The following GRIA4 variants were observed in gnomAD, a reference collection of about 807,000 sequenced individuals.
The protein encoded by GRIA4 is glutamate receptor 4.
In GRIA4, 34 loss-of-function variants were observed where a neutral mutation model predicts 104.0. That is an observed-to-expected ratio of 0.33 (90% CI 0.25 to 0.44). GRIA4 has a LOEUF of 0.44. Among genes scored for constraint, GRIA4 ranks in the 20% least tolerant of loss-of-function variants. The probability of loss-of-function intolerance (pLI) is 1.00; values close to 1 mark genes in which losing one functional copy is unlikely to be tolerated. For synonymous variants in GRIA4, 386 were observed against 381.9 expected, an observed-to-expected ratio of 1.01 and a Z score of -0.13; for missense variants, 750 against 1,096.5, an observed-to-expected ratio of 0.68 and a Z score of 4.46.
intron 5 of GRIA4, among the ~76,000 whole-genome samples, chr11:105,879,249 A>G (rs528850581): frequency 1.3e-5 from 2 of 152,088 alleles, no homozygotes; most frequent in Non-Finnish European, 2.9e-5. Context: ...CAGTGAGATG[A>G]GCCAGGTATC....
At chr11:105,759,438 G>A (rs553033504) in intron 4 of GRIA4, among the ~76,000 whole-genome samples, 3 of 152,128 alleles carry the variant, frequency 2.0e-5, no homozygotes, top group Admixed American at 1.3e-4. Flanking sequence ...TGTGGGTTCT[G>A]TCCTCAGCTA....
intron 14 of GRIA4, among the ~76,000 whole-genome samples, chr11:105,940,136 G>A (rs188947848): frequency 1.4e-4 from 21 of 152,148 alleles, no homozygotes; most frequent in Admixed American, 5.2e-4. Context: ...AGGCTGAGGC[G>A]GGCAGATCAG....
intron 4 of GRIA4, among the ~76,000 whole-genome samples, chr11:105,789,543 G>T (rs902215472): frequency 3.3e-5 from 5 of 152,080 alleles, no homozygotes; most frequent in African/African-American, 1.2e-4. Flanking sequence ...TTTGTTCTTG[G>T]AGCATAATCA....
intron 4 of GRIA4, among the ~76,000 whole-genome samples, chr11:105,842,196 C>A (rs1344379890): frequency 1.3e-5 from 2 of 151,988 alleles, no homozygotes. Context: ...CCAGTTTGAC[C>A]AGAATAGAGT....
chr11:105,726,447 G>C (rs979280932), intron 3 of GRIA4, among the ~76,000 whole-genome samples: 1 of 152,164 alleles, frequency 6.6e-6, no homozygotes, highest in Admixed American at 6.5e-5. Flanking sequence ...CTGGGGGGAG[G>C]GGCAGCTGTG....
At chr11:105,876,409 T>A (rs1945823369) in intron 5 of GRIA4, among the ~76,000 whole-genome samples, 1 of 152,048 alleles carries the variant, frequency 6.6e-6, no homozygotes, top group Non-Finnish European at 1.5e-5. Context: ...GGGTGGAGAG[T>A]TCTGTAGATG....
intron 3 of GRIA4, among the ~76,000 whole-genome samples, chr11:105,746,960 G>GA (rs538177345): frequency 2.3e-4 from 35 of 151,174 alleles, no homozygotes; most frequent in Middle Eastern, 3.4e-3. Context: ...GTAGATGTAG[G>GA]AAAAAAAAAT....
At chr11:105,764,353 A>T (rs1206687731) in intron 4 of GRIA4, among the ~76,000 whole-genome samples, 3 of 152,012 alleles carry the variant, frequency 2.0e-5, no homozygotes, top group Non-Finnish European at 4.4e-5. Context: ...GTTGGCCAGG[A>T]TTCTGTAATT....
At chr11:105,645,861 A>C (rs1430188932) in intron 3 of GRIA4, among the ~76,000 whole-genome samples, 2 of 152,218 alleles carry the variant, frequency 1.3e-5, no homozygotes. Flanking sequence ...AAATGAGTAC[A>C]AGAAAGCTTA....
intron 3 of GRIA4, among the ~76,000 whole-genome samples, chr11:105,750,083 G>C (rs1939910693): frequency 6.6e-6 from 1 of 151,934 alleles, no homozygotes; most frequent in Admixed American, 6.6e-5. Context: ...ATAATTATTT[G>C]TATGCTAAGC....
chr11:105,884,068 G>A (rs1050217510), intron 5 of GRIA4, among the ~76,000 whole-genome samples: 3 of 152,068 alleles, frequency 2.0e-5, no homozygotes, highest in African/African-American at 7.2e-5. Flanking sequence ...AGGAAGCACC[G>A]TTTCTTTCAA....
chr11:105,748,375 C>T (rs1289033086), intron 3 of GRIA4, among the ~76,000 whole-genome samples: 2 of 112,190 alleles, frequency 1.8e-5, no homozygotes, highest in African/African-American at 7.1e-5. Context: ...CACAGAATCA[C>T]TTTTGTGATT....
At chr11:105,936,706 T>A (rs1192000672) in intron 14 of GRIA4, among the ~76,000 whole-genome samples, 1 of 152,116 alleles carries the variant, frequency 6.6e-6, no homozygotes, top group East Asian at 1.9e-4. Context: ...ATAACCAGAA[T>A]TGAAAATTAG....
intron 1 of GRIA4, 32 bp from the exon 2 acceptor site, chr11:105,610,876 T>C (rs1428526158): frequency 3.8e-5 from 16 of 416,306 alleles, no homozygotes; most frequent in African/African-American, 8.3e-5. Flanking sequence ...TTTTCTTTTT[T>C]TTTTTTTTTT....
At chr11:105,748,277 T>C (rs1006829947) in intron 3 of GRIA4, among the ~76,000 whole-genome samples, 2 of 152,200 alleles carry the variant, frequency 1.3e-5, no homozygotes, top group African/African-American at 2.4e-5. Flanking sequence ...GTGGGCCTCA[T>C]TACGTCACCT....
At chr11:105,906,212 T>A (rs1947036426) in intron 9 of GRIA4, among the ~76,000 whole-genome samples, 1 of 152,200 alleles carries the variant, frequency 6.6e-6, no homozygotes, top group Non-Finnish European at 1.5e-5. Context: ...GACAAACCTA[T>A]AATTTGAGTA....
chr11:105,652,350 C>A (rs776141298), intron 3 of GRIA4, among the ~76,000 whole-genome samples: 1 of 152,068 alleles, frequency 6.6e-6, no homozygotes, highest in Non-Finnish European at 1.5e-5. Context: ...CCATCAGATC[C>A]TTCTCAAGCT....
At chr11:105,691,252 T>TA (rs1953073263) in intron 3 of GRIA4, among the ~76,000 whole-genome samples, 1 of 152,148 alleles carries the variant, frequency 6.6e-6, no homozygotes, top group Non-Finnish European at 1.5e-5. Context: ...CCCAGTTAGA[T>TA]AGATTGATAT....
At chr11:105,919,974 G>A (rs1440095211) in intron 11 of GRIA4, among the ~76,000 whole-genome samples, 1 of 152,102 alleles carries the variant, frequency 6.6e-6, no homozygotes, top group Non-Finnish European at 1.5e-5. Context: ...AGTCCTAGGA[G>A]GGACTCACTT....
Sources: allele counts gnomAD v4.1 joint callset (sites outside exome capture counted in the v4.1 genomes callset), GRCh38; gene constraint gnomAD v4.1.1; transcripts MANE v1.5; gene names NCBI Gene and HGNC (gene_info 2026-07-23, HGNC 2026-07-21).